GALNT2: variants seen among roughly 807,000 people sequenced by gnomAD.
GALNT2 encodes UDP-GalNAc:polypeptide N-acetylgalactosaminyltransferase 2.
Under a neutral mutation model 81.4 loss-of-function variants are expected in GALNT2, and 31 were observed. That is an observed-to-expected ratio of 0.38 (90% CI 0.29 to 0.51). The LOEUF is 0.51. Among genes scored for constraint, GALNT2 ranks in the 20% least tolerant of loss-of-function variants. The pLI is 0.87. For synonymous variants in GALNT2, 303 were observed against 287.4 expected (o/e 1.05, Z -0.55); for missense variants, 629 against 765.7 (o/e 0.82, Z 2.11).
intron 1 of GALNT2, among the ~76,000 whole-genome samples, chr1:230,105,367 G>C (rs868287): frequency 0.28 from 42,863 of 152,086 alleles, 6,081 homozygotes; most frequent in African/African-American, 0.33. Context: ...GGGGGCTCTT[G>C]TCGCACCATA....
chr1:230,249,374 C>A, intron 9 of GALNT2, 103 bp downstream of exon 9: 1 of 898,310 alleles, frequency 1.1e-6, no homozygotes, highest in African/African-American at 1.7e-5. Context: ...GGGCTGTTCA[C>A]CTTCTGCCCT....
Position 230,257,345 on chromosome 1 carries a change from TA to T in GALNT2, c.1136+2002del, listed in dbSNP as rs1415505115. Among the ~76,000 whole-genome samples, 1 of 152,204 alleles carries T rather than the reference TA, an allele frequency of 6.6e-6. No individual in the cohort carries two copies. On this transcript the variant is annotated intron_variant, in intron 11 of 15. Coordinates refer to ENST00000366672, the MANE Select transcript of GALNT2 (RefSeq NM_004481.5). The surrounding 1 kb of genome is among the most constrained non-coding windows in gnomAD (Gnocchi z 4.6). ...AAGGGTCCTGTGAGCACTGTTGCAG[TA>T]GCCCAGGCCAGAGATGTGATACAGT...
chr1:230,247,540 A>G (rs540240003), intron 8 of GALNT2, among the ~76,000 whole-genome samples: 2 of 152,324 alleles, frequency 1.3e-5, no homozygotes, highest in African/African-American at 4.8e-5. Context: ...TGAGAAGTAA[A>G]ATGTTTGGGG....
intron 1 of GALNT2, among the ~76,000 whole-genome samples, chr1:230,092,493 G>A (rs1036520013): frequency 4.6e-5 from 7 of 151,686 alleles, no homozygotes; most frequent in Admixed American, 1.3e-4. Flanking sequence ...ACAGGCACGC[G>A]CCACCAAGCC....
chr1:230,250,626 T>C (rs1665516080), intron 10 of GALNT2, 66 bp downstream of exon 10: 9 of 1,264,342 alleles, frequency 7.1e-6, no homozygotes, highest in South Asian at 2.9e-5. Flanking sequence ...AGGGTGCCAA[T>C]TGGAAAAAAA....
chr1:230,206,499 G>A (rs1366336145), intron 3 of GALNT2, among the ~76,000 whole-genome samples: 2 of 152,130 alleles, frequency 1.3e-5, no homozygotes, highest in Non-Finnish European at 2.9e-5. Flanking sequence ...GAGCTGAGCC[G>A]ATTTAATGTC....
chr1:230,248,744 C>A (rs909709531), intron 8 of GALNT2, among the ~76,000 whole-genome samples: 2 of 152,182 alleles, frequency 1.3e-5, no homozygotes, highest in Admixed American at 6.5e-5. Flanking sequence ...ACTGACAAAG[C>A]CTCGTTCCCT....
chr1:230,220,286 T>G (rs936651703), intron 3 of GALNT2, among the ~76,000 whole-genome samples: 3 of 152,024 alleles, frequency 2.0e-5, no homozygotes, highest in African/African-American at 7.2e-5. Context: ...TTTTTGTTTT[T>G]TTTTTTAATG....
chr1:230,078,459 A>G lies in GALNT2; in HGVS notation c.126+11053A>G, dbSNP rs542159461. Among the ~76,000 whole-genome samples the G allele has an allele frequency of 2.0e-5, 3 of 152,338 alleles. No homozygotes were observed. In the East Asian group the frequency reaches 5.8e-4, roughly 29 times the overall value. ...CAGCTGAAAACTAGTATTTTTGTAA[A>G]AAGCAGCTCAAAGGGTTTGTGATCG... On this transcript the variant is annotated intron_variant, in intron 1 of 15. Coordinates refer to ENST00000366672, the MANE Select transcript of GALNT2 (RefSeq NM_004481.5).
chr1:230,075,060 A>G (rs1659493822), intron 1 of GALNT2, among the ~76,000 whole-genome samples: 1 of 141,858 alleles, frequency 7.0e-6, no homozygotes, highest in South Asian at 2.3e-4. Flanking sequence ...AAGTTCCTGG[A>G]AGGCATCTTG....
intron 7 of GALNT2, among the ~76,000 whole-genome samples, chr1:230,244,699 A>C (rs1665311442): frequency 6.6e-6 from 1 of 152,218 alleles, no homozygotes; most frequent in Non-Finnish European, 1.5e-5. Context: ...CTTATGAAAC[A>C]AAATGTAAAG....
intron 1 of GALNT2, among the ~76,000 whole-genome samples, chr1:230,127,462 G>A (rs1661222518): frequency 6.6e-6 from 1 of 151,814 alleles, no homozygotes; most frequent in Non-Finnish European, 1.5e-5. Context: ...TGCAACCTCC[G>A]CCTCCTGGGT....
At chr1:230,192,640 C>T (rs1012619058) in intron 2 of GALNT2, among the ~76,000 whole-genome samples, 1 of 152,200 alleles carries the variant, frequency 6.6e-6, no homozygotes, top group Non-Finnish European at 1.5e-5. Flanking sequence ...AGATTTATTG[C>T]ACTTTATCAA....
In GALNT2 at chr1:230,236,044, G is replaced by A. The variant is rs146944992; in HGVS notation, c.405G>A (p.Leu135=). The stretch of plus-strand genomic sequence containing the variant: ...AGCGGAAGCAGTGGCGGGTGGATCT[G>A]CCGGCCACCAGCGTGGTGATCACGT... ...QCQRKQWRVD[L]PATSVVITFH... is the part of the protein sequence containing the mutation. The change falls in exon 4 of 16, where the codon CTG becomes CTA. Residue 135 remains leucine, a synonymous_variant. Coordinates refer to ENST00000366672, the MANE Select transcript of GALNT2 (RefSeq NM_004481.5). 99 of 1,613,450 alleles carry A rather than the reference G, an allele frequency of 6.1e-5. No individual in the cohort carries two copies. The African/African-American group carries it at 1.2e-3, about 20-fold the overall frequency.
chr1:230,202,591 C>T (rs373657746), intron 2 of GALNT2, among the ~76,000 whole-genome samples: 11 of 152,332 alleles, frequency 7.2e-5, no homozygotes, highest in South Asian at 6.2e-4. Context: ...ACTTTCTCCC[C>T]GTGGGGTCAG....
chr1:230,186,583 A>G (rs1248963426), intron 2 of GALNT2, among the ~76,000 whole-genome samples: 1 of 152,238 alleles, frequency 6.6e-6, no homozygotes, highest in Non-Finnish European at 1.5e-5. Flanking sequence ...TTAAAAACAT[A>G]CAAGTGTTCT....
chr1:230,221,587 A>G (rs1487347502), intron 3 of GALNT2, among the ~76,000 whole-genome samples: 2 of 152,178 alleles, frequency 1.3e-5, no homozygotes, highest in Non-Finnish European at 2.9e-5. Flanking sequence ...GATTATGTTA[A>G]CTTTGTAAAA....
chr1:230,177,010 C>T (rs1418216010), intron 1 of GALNT2, among the ~76,000 whole-genome samples: 2 of 152,176 alleles, frequency 1.3e-5, no homozygotes, highest in Non-Finnish European at 2.9e-5. Context: ...CCAGCTGTAT[C>T]GCCTCATTAG....
At chr1:230,085,534 C>G (rs1372042976) in intron 1 of GALNT2, among the ~76,000 whole-genome samples, 2 of 152,224 alleles carry the variant, frequency 1.3e-5, no homozygotes, top group Non-Finnish European at 2.9e-5. Context: ...CTCGTAAGCC[C>G]CTGTGTCTCA....
Sources: allele counts gnomAD v4.1 joint callset (sites outside exome capture counted in the v4.1 genomes callset), GRCh38; gene constraint gnomAD v4.1.1; non-coding constraint Gnocchi (gnomAD v3.1); transcripts MANE v1.5; gene names NCBI Gene and HGNC (gene_info 2026-07-23, HGNC 2026-07-21).